The following MCPH1 variants were observed in gnomAD, a reference collection of about 807,000 sequenced individuals.
MCPH1 encodes the protein microcephalin 1.
MCPH1 carries 104 observed loss-of-function variants against 84.5 expected under a neutral mutation model. That is an observed-to-expected ratio of 1.23 (90% CI 1.05 to 1.45). The LOEUF is 1.45. MCPH1 is among the 40% of genes most tolerant of loss of function. The pLI is 0.00. For synonymous variants in MCPH1, 514 were observed against 366.8 expected (o/e 1.40, Z -4.58); for missense variants, 1,498 against 1,005.7 (o/e 1.49, Z -6.62).
chr8:6,474,717 G>T (rs1808211593), intron 9 of MCPH1, among the ~76,000 whole-genome samples: 1 of 152,186 alleles, frequency 6.6e-6, no homozygotes. Flanking sequence ...TGTATAGTGT[G>T]GCTGGGCACA....
At chr8:6,605,704 C>CT (rs5889178) in intron 12 of MCPH1, among the ~76,000 whole-genome samples, 61,957 of 151,006 alleles carry the variant, frequency 0.41, 13,157 homozygotes, top group Non-Finnish European at 0.45. Context: ...TTTTTGTAAT[C>CT]TTTTTTTTTA....
intron 12 of MCPH1, among the ~76,000 whole-genome samples, chr8:6,593,810 C>G (rs567662737): frequency 6.6e-6 from 1 of 152,232 alleles, no homozygotes; most frequent in Non-Finnish European, 1.5e-5. Flanking sequence ...AAGACAGCCT[C>G]TTCCTTGCAA....
In MCPH1 at chr8:6,523,308, T is replaced by A. The variant is rs537058781; in HGVS notation, c.2214+23379T>A. On this transcript the variant is annotated intron_variant, in intron 12 of 13. Transcript: ENST00000344683. The stretch of plus-strand genomic sequence containing the variant: ...CACCACGCCTGGCAGAAAAGCTTTT[T>A]AAAAATTATTTAGAGAGCTGGTAAA... 2.3e-3 allele frequency among the ~76,000 whole-genome samples: 350 copies of A among 152,288 alleles called. 1 individual carries two copies. Among genetic ancestry groups the A allele is most frequent in the Non-Finnish European group, 3.2e-3 (219 of 68,016 alleles).
At chr8:6,635,577 A>G (rs1488096871) in intron 13 of MCPH1, among the ~76,000 whole-genome samples, 1 of 152,164 alleles carries the variant, frequency 6.6e-6, no homozygotes, top group Non-Finnish European at 1.5e-5. Flanking sequence ...CCTGGGAAAC[A>G]GCGAGGCCCT....
rs186056412 is a variant in MCPH1 at position 6,612,797 on chromosome 8, C to T, written c.2215-8657C>T. On this transcript the variant is annotated intron_variant, in intron 12 of 13. Transcript: ENST00000344683. ...CTCTGAGAAGAGGACTGAGAACCGC[C>T]TGTGAACCCCGCAATTTCGTGGGTG... 5.1e-3 allele frequency among the ~76,000 whole-genome samples: 782 copies of T among 152,354 alleles called. 5 individuals are homozygous for T. Among genetic ancestry groups the T allele is most frequent in the Non-Finnish European group, 7.6e-3 (520 of 68,044 alleles).
At chr8:6,594,469 T>A (rs1007493405) in intron 12 of MCPH1, among the ~76,000 whole-genome samples, 3 of 152,198 alleles carry the variant, frequency 2.0e-5, no homozygotes, top group Non-Finnish European at 4.4e-5. Context: ...TCATAGAAGC[T>A]CCTAGGGCAT....
At chr8:6,599,048 G>C (rs532260276) in intron 12 of MCPH1, among the ~76,000 whole-genome samples, 1 of 152,152 alleles carries the variant, frequency 6.6e-6, no homozygotes, top group Non-Finnish European at 1.5e-5. Context: ...GCGCGAATAC[G>C]GGGCTCTTAA....
In MCPH1 at chr8:6,625,185, A is replaced by G. The variant is rs2448612; in HGVS notation, c.2452+3494A>G. On this transcript the variant is annotated intron_variant, in intron 13 of 13. Transcript: ENST00000344683. ...CCACCGTGCCTGGCCGAAATCACCT[A>G]TTTTCTGTGGAATGCATTTACTTCA... 4,520 of 985,280 alleles carry G rather than the reference A, an allele frequency of 4.6e-3. 151 individuals are homozygous for G. The African/African-American group carries it at 0.072, about 16-fold the overall frequency. 61.0% of individuals were successfully genotyped at this position (985,280 alleles called of 1,614,324 possible). A position where few individuals can be genotyped will look rare whatever the true frequency, so the allele number is the denominator to read the frequency against.
At chr8:6,594,901 T>G (rs1209277452) in intron 12 of MCPH1, among the ~76,000 whole-genome samples, 5 of 152,204 alleles carry the variant, frequency 3.3e-5, no homozygotes, top group Non-Finnish European at 7.3e-5. Flanking sequence ...AGACATTACT[T>G]TAGCTCCTTC....
chr8:6,577,081 C>A (rs748205215), intron 12 of MCPH1, among the ~76,000 whole-genome samples: 4 of 152,194 alleles, frequency 2.6e-5, no homozygotes, highest in Non-Finnish European at 5.9e-5. Context: ...CAAGATACTC[C>A]TTTCAGTCCC....
chr8:6,464,446 C>T (rs1488691051), intron 9 of MCPH1, among the ~76,000 whole-genome samples: 1 of 152,190 alleles, frequency 6.6e-6, no homozygotes, highest in Non-Finnish European at 1.5e-5. Flanking sequence ...ATAGGATCTT[C>T]AAAGAACTCC....
intron 3 of MCPH1, among the ~76,000 whole-genome samples, chr8:6,416,359 G>A (rs1305619631): frequency 1.3e-5 from 2 of 152,116 alleles, no homozygotes; most frequent in African/African-American, 4.8e-5. Flanking sequence ...GAATAGAAGT[G>A]GTGAGAATGG....
At chr8:6,584,561 C>G (rs1277024333) in intron 12 of MCPH1, among the ~76,000 whole-genome samples, 1 of 152,142 alleles carries the variant, frequency 6.6e-6, no homozygotes, top group Non-Finnish European at 1.5e-5. Context: ...CATTCCAGAC[C>G]TAACTCTTTT....
At chr8:6,500,544 T>C (rs1811958081) in intron 12 of MCPH1, 1 of 154,058 alleles carries the variant, frequency 6.5e-6, no homozygotes, top group African/African-American at 2.4e-5. Context: ...GTGATTTTTA[T>C]CTGCCACTGG....
chr8:6,416,321 T>A (rs917723049), intron 3 of MCPH1, among the ~76,000 whole-genome samples: 6 of 151,428 alleles, frequency 4.0e-5, no homozygotes, highest in African/African-American at 1.5e-4. Context: ...ATGTTATTTG[T>A]TCTGGCCAGA....
In MCPH1 at chr8:6,445,362, G is replaced by A. The variant is rs1026022683; in HGVS notation, c.1640G>A (p.Gly547Glu). The A allele has an allele frequency of 5.6e-6, 9 of 1,614,240 alleles. No individual in the cohort carries two copies. The highest frequency in any genetic ancestry group is 7.6e-6 in the Non-Finnish European group (9 of 1,180,048). The change falls in exon 8 of 14, where the codon GGA (glycine) becomes GAA (glutamate). Residue 547 changes from glycine to glutamate, a missense_variant. Gly to Glu is a moderately conservative substitution (Grantham distance 98, BLOSUM62 -2). Coordinates refer to ENST00000344683, the MANE Select transcript of MCPH1 (RefSeq NM_024596.5). ...GHDDDLTPLE[G>E]SLEEMKEAVG... is the part of the protein sequence containing the mutation. ...GATGATGATTTAACTCCTTTGGAAGGAAGCCTTGAAGAAATGAAAGAAGCG... is the reference window on the plus strand; with the variant it reads ...GATGATGATTTAACTCCTTTGGAAGAAAGCCTTGAAGAAATGAAAGAAGCG...
In MCPH1 at chr8:6,644,813, T is replaced by C. The variant is rs1798134386; in HGVS notation, c.*1764T>C. On this transcript the variant is annotated 3_prime_UTR_variant, in exon 14 of 14. Coordinates refer to ENST00000344683, the MANE Select transcript of MCPH1 (RefSeq NM_024596.5). ...TCAACAAATATAACAGAACCACTTC[T>C]AGAATGAACCTTTGAGAAGGGAGGT... 6.6e-6 allele frequency: 1 copy of C among 152,154 alleles called. No homozygotes were observed. Among genetic ancestry groups the C allele is most frequent in the Non-Finnish European group, 1.5e-5 (1 of 68,020 alleles). 9.4% of individuals were successfully genotyped at this position (152,154 alleles called of 1,614,324 possible). A position where few individuals can be genotyped will look rare whatever the true frequency, so the allele number is the denominator to read the frequency against.
intron 13 of MCPH1, chr8:6,625,409 G>A (rs186063351): frequency 2.2e-5 from 22 of 985,122 alleles, no homozygotes; most frequent in East Asian, 1.1e-4. Flanking sequence ...TTTTCCTCCC[G>A]TTCATTTCCA....
intron 5 of MCPH1, among the ~76,000 whole-genome samples, chr8:6,437,278 T>C (rs2129554719): frequency 6.6e-6 from 1 of 152,244 alleles, no homozygotes; most frequent in East Asian, 1.9e-4. Context: ...ATCACCAGGC[T>C]GGAGTGCAGT....
Sources: gnomAD v4.1 joint callset for allele counts (sites outside exome capture counted in the v4.1 genomes callset) on GRCh38, gnomAD v4.1.1 for gene constraint, MANE v1.5 for transcripts, NCBI Gene and HGNC (gene_info 2026-07-23, HGNC 2026-07-21) for gene names.